The following ATAD2B variants were observed in gnomAD, a reference collection of about 807,000 sequenced individuals.
The protein encoded by ATAD2B is ATPase family AAA domain-containing protein 2B.
In ATAD2B, 40 loss-of-function variants were observed where a neutral mutation model predicts 167.6. The ratio of observed to expected loss-of-function variants is 0.24; its 90% confidence interval spans 0.19 to 0.31. The LOEUF (loss-of-function observed/expected upper bound fraction) is 0.31. Ranked by LOEUF, ATAD2B falls within the 10% of genes least tolerant of loss-of-function variation. ATAD2B has a pLI of 1.00. For missense variants in ATAD2B, 1,242 were observed against 1,757.2 expected, an observed-to-expected ratio of 0.71 and a Z score of 5.24; for synonymous variants, 579 against 596.5, an observed-to-expected ratio of 0.97 and a Z score of 0.43.
At chr2:23,787,964 C>A (rs143617190) in intron 20 of ATAD2B, among the ~76,000 whole-genome samples, 18 of 152,090 alleles carry the variant, frequency 1.2e-4, no homozygotes, top group African/African-American at 4.3e-4. Context: ...ATTATTGAGT[C>A]CAAACCCAAG....
chr2:23,779,310 T>C (rs1454996970), intron 22 of ATAD2B, among the ~76,000 whole-genome samples: 1 of 151,106 alleles, frequency 6.6e-6, no homozygotes, highest in Non-Finnish European at 1.5e-5. Flanking sequence ...TGAGTAGCTG[T>C]GACTATAGGC....
chr2:23,709,021 ATTTCT>A, the ATAD2B span, among the ~76,000 whole-genome samples: 512 of 152,080 alleles, frequency 3.4e-3, 4 homozygotes, highest in Admixed American at 7.1e-3. Flanking sequence ...ATACAGGGTG[ATTTCT>A]TTTCTTTTCT....
At chr2:23,823,628 T>A in intron 15 of ATAD2B, 59 bp from the exon 16 acceptor site, 1 of 1,461,328 alleles carries the variant, frequency 6.8e-7, no homozygotes, top group Non-Finnish European at 9.4e-7. Flanking sequence ...GCACCAACTA[T>A]GTTTTGTAAA....
At chr2:23,912,100 C>T (rs1702400798) in intron 1 of ATAD2B, among the ~76,000 whole-genome samples, 1 of 151,838 alleles carries the variant, frequency 6.6e-6, no homozygotes, top group Non-Finnish European at 1.5e-5. Flanking sequence ...CCAAAATAAC[C>T]ATAAACAAAA....
At chr2:23,802,004 T>G (rs1327238149) in intron 18 of ATAD2B, among the ~76,000 whole-genome samples, 3 of 152,022 alleles carry the variant, frequency 2.0e-5, no homozygotes, top group Non-Finnish European at 4.4e-5. Context: ...TAGAAAAATT[T>G]TAAACCCAAA....
chr2:23,899,080 G>A lies in ATAD2B; in HGVS notation c.217-3110C>T, dbSNP rs566951203. 2.0e-4 allele frequency among the ~76,000 whole-genome samples: 30 copies of A among 152,014 alleles called. No individual in the cohort carries two copies. The East Asian group carries it at 5.8e-3, about 29-fold the overall frequency. On this transcript the variant is annotated intron_variant, in intron 1 of 27. Transcript: ENST00000238789. The stretch of plus-strand genomic sequence containing the variant: ...GGAGAATTGCTTGAATCCGGGAGGC[G>A]GAGGTTGCAGTGAGCTGAGATCATG...
At chr2:23,711,939 A>G in the ATAD2B span, among the ~76,000 whole-genome samples, 1 of 152,218 alleles carries the variant, frequency 6.6e-6, no homozygotes, top group Non-Finnish European at 1.5e-5. Context: ...CCTAAAAGGC[A>G]TAGGGCTTCA....
At chr2:23,744,572 T>C (rs959618768), downstream of ATAD2B, among the ~76,000 whole-genome samples, 2 of 152,182 alleles carry the variant, frequency 1.3e-5, no homozygotes, top group African/African-American at 4.8e-5. Flanking sequence ...TATGTAATCA[T>C]TGCAGTAACC....
At chr2:23,704,927 A>T in the ATAD2B span, among the ~76,000 whole-genome samples, 1 of 152,256 alleles carries the variant, frequency 6.6e-6, no homozygotes, top group Admixed American at 6.5e-5. Context: ...TAGCTAGAAA[A>T]GATATAACCT....
intron 19 of ATAD2B, among the ~76,000 whole-genome samples, chr2:23,790,854 G>C (rs1312622393): frequency 6.6e-6 from 1 of 152,140 alleles, no homozygotes; most frequent in Non-Finnish European, 1.5e-5. Context: ...TGAAAAAACA[G>C]TTCAATAATG....
At chr2:23,925,367 C>T (rs1704576597) in intron 1 of ATAD2B, among the ~76,000 whole-genome samples, 1 of 152,184 alleles carries the variant, frequency 6.6e-6, no homozygotes, top group Non-Finnish European at 1.5e-5. Flanking sequence ...ATATTCCTGT[C>T]TCTGCCTAGA....
intron 8 of ATAD2B, among the ~76,000 whole-genome samples, chr2:23,875,305 T>G (rs148562258): frequency 1.7e-4 from 26 of 152,062 alleles, no homozygotes; most frequent in African/African-American, 6.0e-4. Context: ...TTTGAGACCA[T>G]CCTGGCCAAC....
intron 13 of ATAD2B, among the ~76,000 whole-genome samples, chr2:23,848,654 G>A (rs1017825703): frequency 6.6e-6 from 1 of 152,236 alleles, no homozygotes; most frequent in East Asian, 1.9e-4. Context: ...ATAATAAACA[G>A]TAATGGCTAA....
intron 2 of ATAD2B, among the ~76,000 whole-genome samples, chr2:23,893,916 G>C (rs1699861204): frequency 6.6e-6 from 1 of 151,660 alleles, no homozygotes; most frequent in Admixed American, 6.6e-5. Flanking sequence ...CTCCTGCCTT[G>C]GCCTCCCAAA....
In ATAD2B at chr2:23,786,086, T is replaced by C; in HGVS notation, c.2914A>G (p.Lys972Glu). 6.2e-7 allele frequency: 1 copy of C among 1,612,272 alleles called. No homozygotes were observed. The highest frequency in any genetic ancestry group is 8.5e-7 in the Non-Finnish European group (1 of 1,179,114). Residue 972 changes from lysine (K) to glutamate (E), a missense_variant, in exon 21 of 28, where the codon AAG becomes GAG. Around this residue, in one of 9 missense-constraint regions of ATAD2B, gnomAD observed 204 missense variants for 324.0 expected, o/e 0.63. Transcript: ENST00000238789. Reference protein sequence around the residue: ...ELRLFLRDVTKRLATDKRFNI... With the variant: ...ELRLFLRDVTERLATDKRFNI... ...AAGCGTTTATCTGTGGCCAGCCTCTTGGTTACATCCCTGAGAAACAACCGC... is the reference window on the plus strand; with the variant it reads ...AAGCGTTTATCTGTGGCCAGCCTCTCGGTTACATCCCTGAGAAACAACCGC...
rs1206701559 is a variant in ATAD2B at position 23,757,803 on chromosome 2, A to G, written c.3693T>C (p.Phe1231=). 6.4e-7 allele frequency: 1 copy of G among 1,571,334 alleles called. No individual in the cohort carries two copies. The highest frequency in any genetic ancestry group is 8.6e-7 in the Non-Finnish European group (1 of 1,164,064). Residue 1231 remains phenylalanine, a synonymous_variant, in exon 25 of 28, where the codon TTT becomes TTC. Transcript: ENST00000238789. The part of the protein sequence containing the change: ...LNNGAGTKEN[F]ASTEEESSNE... ...TTGAACTTTCCTCCTCAGTAGATGC[A>G]AAGTTCTCTTTTGTGCCTGCTCCAT... is the stretch of plus-strand genomic sequence containing the variant.
At chr2:23,808,068 A>AATATATAAGTAATTAT (rs1553398216) in intron 18 of ATAD2B, among the ~76,000 whole-genome samples, 1 of 60,952 alleles carries the variant, frequency 1.6e-5, no homozygotes, top group South Asian at 4.6e-4. Context: ...TATAAATTAT[A>AATATATAAGTAATTAT]ATATATAAGT....
chr2:23,895,464 A>C (rs1396567655), intron 2 of ATAD2B, among the ~76,000 whole-genome samples: 3 of 152,132 alleles, frequency 2.0e-5, no homozygotes, highest in Non-Finnish European at 2.9e-5. Context: ...TAGTATATCA[A>C]TTCAAGTGAA....
At chr2:23,805,403 ATCTATC>A (rs1684202297) in intron 18 of ATAD2B, among the ~76,000 whole-genome samples, 1 of 152,124 alleles carries the variant, frequency 6.6e-6, no homozygotes, top group African/African-American at 2.4e-5. Context: ...GCCCATGTAA[ATCTATC>A]TCATTCATGT....
Sources: allele counts gnomAD v4.1 joint callset (sites outside exome capture counted in the v4.1 genomes callset), GRCh38; gene constraint gnomAD v4.1.1; regional missense constraint gnomAD v4.1.1; transcripts MANE v1.5; gene names NCBI Gene and HGNC (gene_info 2026-07-23, HGNC 2026-07-21).